Variants in NPAS3 observed in about 807,000 individuals in gnomAD.
NPAS3 encodes the protein neuronal PAS domain protein 3.
In NPAS3, 14 loss-of-function variants were observed where a neutral mutation model predicts 73.1. The observed-to-expected ratio is 0.19, with a 90% CI of 0.13 to 0.30. The LOEUF is 0.30. Among genes scored for constraint, NPAS3 ranks in the 10% least tolerant of loss-of-function variants. The pLI is 1.00. For synonymous variants in NPAS3, 620 were observed against 541.5 expected (o/e 1.14, Z -2.01); for missense variants, 1,096 against 1,250.0 (o/e 0.88, Z 1.86).
chr14:33,376,748 C>T (rs1459377102), intron 4 of NPAS3, among the ~76,000 whole-genome samples: 3 of 152,214 alleles, frequency 2.0e-5, no homozygotes, highest in East Asian at 1.9e-4. Flanking sequence ...TAACTGTGTG[C>T]ACCTACAATG....
Position 33,727,971 on chromosome 14 carries a change from C to T in NPAS3, c.734-7243C>T, listed in dbSNP as rs140473160. Among the ~76,000 whole-genome samples, 11 of 152,262 alleles carry T rather than the reference C, an allele frequency of 7.2e-5. No individual in the cohort carries two copies. In the East Asian group the frequency reaches 2.1e-3, roughly 29 times the overall value. ...ATTGGATACCATGTACTCTCAAAGG[C>T]GATCTTTACGATACTCAGTTTTTCC... On this transcript the variant is annotated intron_variant, in intron 6 of 11. Coordinates refer to ENST00000356141, the Ensembl canonical transcript of NPAS3.
At chr14:33,238,159 T>G (rs943498370) in intron 3 of NPAS3, among the ~76,000 whole-genome samples, 3 of 151,936 alleles carry the variant, frequency 2.0e-5, no homozygotes, top group Non-Finnish European at 2.9e-5. Flanking sequence ...ATACATGACA[T>G]TAACTCCAAA....
At chr14:33,556,001 T>C (rs2055341619) in intron 4 of NPAS3, among the ~76,000 whole-genome samples, 1 of 152,246 alleles carries the variant, frequency 6.6e-6, no homozygotes, top group African/African-American at 2.4e-5. Context: ...TTGAATTGAC[T>C]GGATGTCTTT....
chr14:33,569,789 A>T (rs2056126509), intron 5 of NPAS3, among the ~76,000 whole-genome samples: 1 of 152,134 alleles, frequency 6.6e-6, no homozygotes, highest in Admixed American at 6.5e-5. Context: ...CTAATTGTTA[A>T]ACTTGGTATT....
At chr14:33,250,645 A>G (rs577019675) in intron 3 of NPAS3, among the ~76,000 whole-genome samples, 2 of 152,210 alleles carry the variant, frequency 1.3e-5, no homozygotes, top group Admixed American at 6.5e-5. Flanking sequence ...ATTTATTTGA[A>G]TGATCTTTAC....
At chr14:33,383,493 T>C (rs2046647037) in intron 4 of NPAS3, among the ~76,000 whole-genome samples, 1 of 152,190 alleles carries the variant, frequency 6.6e-6, no homozygotes, top group Admixed American at 6.5e-5. Flanking sequence ...TAAGTCCCCA[T>C]GCACCAATTC....
intron 9 of NPAS3, among the ~76,000 whole-genome samples, chr14:33,784,724 TA>T (rs1340991585): frequency 1.1e-5 from 1 of 93,540 alleles, no homozygotes; most frequent in Admixed American, 1.2e-4. Context: ...TTGTTATTTT[TA>T]TTTATTTATT....
chr14:33,164,416 A>G (rs985550913), intron 2 of NPAS3, among the ~76,000 whole-genome samples: 2 of 152,172 alleles, frequency 1.3e-5, no homozygotes, highest in East Asian at 3.8e-4. Context: ...CTTAAATAAG[A>G]TCTTCTGTGT....
chr14:33,360,852 G>T (rs377711646), intron 3 of NPAS3, among the ~76,000 whole-genome samples: 9 of 152,072 alleles, frequency 5.9e-5, no homozygotes, highest in African/African-American at 2.2e-4. Flanking sequence ...TCCACGCCTC[G>T]GCCCAGGCTG....
At chr14:33,505,805 C>G (rs1295561384) in intron 4 of NPAS3, among the ~76,000 whole-genome samples, 2 of 151,950 alleles carry the variant, frequency 1.3e-5, no homozygotes, top group Non-Finnish European at 2.9e-5. Flanking sequence ...AAGATTCTTC[C>G]TGATTGGCCT....
chr14:33,270,020 C>T lies in NPAS3; in HGVS notation c.385+54594C>T, dbSNP rs939658999. On this transcript the variant is annotated intron_variant, in intron 3 of 11. Coordinates refer to ENST00000356141, the Ensembl canonical transcript of NPAS3. ...CTCTCAAGTGAAACCTGTGAGAGACCGAGGGACACAGGACAGGGCAGGGGA... is the reference window on the plus strand; with the variant it reads ...CTCTCAAGTGAAACCTGTGAGAGACTGAGGGACACAGGACAGGGCAGGGGA... Among the ~76,000 whole-genome samples, 8 of 151,894 alleles carry T rather than the reference C, an allele frequency of 5.3e-5. No individual in the cohort carries two copies. In the South Asian group the frequency reaches 6.2e-4, roughly 12 times the overall value.
intron 2 of NPAS3, among the ~76,000 whole-genome samples, chr14:33,180,947 C>T (rs1181948563): frequency 6.6e-6 from 1 of 151,832 alleles, no homozygotes; most frequent in Non-Finnish European, 1.5e-5. Flanking sequence ...ATCAGCAGGT[C>T]CATCATAAAG....
chr14:33,582,076 C>T (rs1242939647), intron 5 of NPAS3: 3 of 151,976 alleles, frequency 2.0e-5, no homozygotes, highest in African/African-American at 4.8e-5. Flanking sequence ...ATTCTTATAC[C>T]CTCAGGATAA....
intron 3 of NPAS3, among the ~76,000 whole-genome samples, chr14:33,244,310 T>C (rs1017816490): frequency 1.1e-4 from 17 of 152,304 alleles, no homozygotes; most frequent in African/African-American, 3.8e-4. Context: ...ATTAAAAAAT[T>C]ATTTTCTGTT....
At chr14:33,685,159 A>C (rs978089043) in intron 6 of NPAS3, among the ~76,000 whole-genome samples, 1 of 152,086 alleles carries the variant, frequency 6.6e-6, no homozygotes, top group African/African-American at 2.4e-5. Flanking sequence ...GGAAATAATG[A>C]CGAGGCTCCC....
intron 4 of NPAS3, among the ~76,000 whole-genome samples, chr14:33,489,655 A>T (rs1365648833): frequency 6.6e-6 from 1 of 152,152 alleles, no homozygotes; most frequent in African/African-American, 2.4e-5. Flanking sequence ...TTTTTATTTT[A>T]GTTGACACAC....
chr14:33,360,809 A>G (rs1354916556), intron 3 of NPAS3, among the ~76,000 whole-genome samples: 2 of 152,142 alleles, frequency 1.3e-5, no homozygotes, highest in Non-Finnish European at 2.9e-5. Flanking sequence ...GACCCCTTGC[A>G]TCTCTTGAGG....
intron 7 of NPAS3, among the ~76,000 whole-genome samples, chr14:33,736,568 C>T (rs74374663): frequency 6.6e-6 from 1 of 152,118 alleles, no homozygotes; most frequent in Non-Finnish European, 1.5e-5. Context: ...TATTGCCCTG[C>T]CTTGCTGCAT....
At chr14:33,267,589 T>G (rs2040874775) in intron 3 of NPAS3, among the ~76,000 whole-genome samples, 1 of 152,230 alleles carries the variant, frequency 6.6e-6, no homozygotes, top group South Asian at 2.1e-4. Flanking sequence ...TAAGCCAATA[T>G]TCTTCTTCAT....
Sources: allele counts gnomAD v4.1 joint callset (sites outside exome capture counted in the v4.1 genomes callset), GRCh38; gene constraint gnomAD v4.1.1; transcripts MANE v1.5; gene names NCBI Gene and HGNC (gene_info 2026-07-23, HGNC 2026-07-21).